Variants in ACBD6 observed in about 807,000 individuals in gnomAD.
ACBD6 encodes acyl-CoA-binding domain-containing protein 6.
Under a neutral mutation model 37.2 loss-of-function variants are expected in ACBD6, and 28 were observed. The observed-to-expected ratio is 0.75, with a 90% CI of 0.56 to 1.03. The LOEUF (loss-of-function observed/expected upper bound fraction) is 1.03, where lower values mean the gene tolerates loss of function less well. Among genes scored for constraint, ACBD6 ranks in the 50% least tolerant of loss-of-function variants. ACBD6 has a pLI of 0.00. For synonymous variants in ACBD6, 113 were observed against 126.8 expected, an observed-to-expected ratio of 0.89 and a Z score of 0.73; for missense variants, 340 against 337.4, an observed-to-expected ratio of 1.01 and a Z score of -0.06.
chr1:180,318,649 A>G (rs923121048), intron 6 of ACBD6, among the ~76,000 whole-genome samples: 3 of 152,212 alleles, frequency 2.0e-5, no homozygotes, highest in Non-Finnish European at 2.9e-5. Flanking sequence ...AAATTTAAAA[A>G]GAGCAAACCC....
intron 7 of ACBD6, among the ~76,000 whole-genome samples, chr1:180,294,367 T>C (rs917798226): frequency 1.3e-5 from 2 of 151,808 alleles, no homozygotes; most frequent in Non-Finnish European, 2.9e-5. Context: ...GGTGAAACCC[T>C]GTCTGTACTA....
chr1:180,412,439 A>G (rs1007678087), intron 5 of ACBD6, among the ~76,000 whole-genome samples: 16 of 152,196 alleles, frequency 1.1e-4, no homozygotes, highest in African/African-American at 3.9e-4. Flanking sequence ...CATTTCAGTA[A>G]TCTTTCACAG....
At chr1:180,272,235 C>A (rs957081111) in intron 13 of ACBD6, among the ~76,000 whole-genome samples, 3 of 152,088 alleles carry the variant, frequency 2.0e-5, no homozygotes, top group African/African-American at 7.2e-5. Context: ...ATGGGCCAGG[C>A]CCCGTCCTGT....
In ACBD6 at chr1:180,324,041, G is replaced by A. The variant is rs1475183379; in HGVS notation, c.664-9319C>T. Among the ~76,000 whole-genome samples, 2 of 8,866 alleles carry A rather than the reference G, an allele frequency of 2.3e-4. 1 individual carries two copies. Among genetic ancestry groups the A allele is most frequent in the Non-Finnish European group, 3.4e-4 (2 of 5,842 alleles). 5.8% of individuals were successfully genotyped at this position (8,866 alleles called of 152,430 possible). ...ACTACAGGCGCCCGCCACCGCGCCCGGCTAATTTTTTGTATTTTTAGTAGA... is the reference window on the plus strand; with the variant it reads ...ACTACAGGCGCCCGCCACCGCGCCCAGCTAATTTTTTGTATTTTTAGTAGA... On this transcript the variant is annotated intron_variant, in intron 6 of 7. Coordinates refer to ENST00000367595, the MANE Select transcript of ACBD6 (RefSeq NM_032360.4).
At chr1:180,440,349 T>C (rs1649230861) in intron 3 of ACBD6, among the ~76,000 whole-genome samples, 1 of 152,188 alleles carries the variant, frequency 6.6e-6, no homozygotes, top group African/African-American at 2.4e-5. Context: ...CCTCAAGTGA[T>C]CTGCCCATCT....
chr1:180,308,803 G>C (rs1224926454), intron 7 of ACBD6, among the ~76,000 whole-genome samples: 1 of 152,156 alleles, frequency 6.6e-6, no homozygotes, highest in Non-Finnish European at 1.5e-5. Context: ...TACCGCTATA[G>C]ATACTGGGTT....
chr1:180,356,163 G>A lies in ACBD6; in HGVS notation c.663+41353C>T, dbSNP rs565626630. Among the ~76,000 whole-genome samples the A allele has an allele frequency of 1.4e-4, 21 of 150,782 alleles. No individual in the cohort carries two copies. In the South Asian group the frequency reaches 2.7e-3, roughly 20 times the overall value. ...GCTGGGATTACAGGCGTGAGCCACC[G>A]TGCCTGGCCTATTGTTACAATTTTT... On this transcript the variant is annotated intron_variant, in intron 6 of 7. Transcript: ENST00000367595.
chr1:180,494,365 C>T (rs555981217), intron 2 of ACBD6, among the ~76,000 whole-genome samples: 12 of 152,208 alleles, frequency 7.9e-5, no homozygotes, highest in African/African-American at 2.9e-4. Context: ...AACTCACTGT[C>T]AACGTTAACA....
At chr1:180,344,588 T>G (rs1652102824) in intron 6 of ACBD6, among the ~76,000 whole-genome samples, 1 of 152,198 alleles carries the variant, frequency 6.6e-6, no homozygotes, top group Non-Finnish European at 1.5e-5. Context: ...TTCACTGCAG[T>G]AAAGAAAAAG....
chr1:180,371,569 G>A (rs1365166990), intron 6 of ACBD6, among the ~76,000 whole-genome samples: 1 of 152,086 alleles, frequency 6.6e-6, no homozygotes, highest in Non-Finnish European at 1.5e-5. Context: ...AAGATCTATA[G>A]TCGACTCTTG....
At chr1:180,342,085 G>A (rs1652005445) in intron 6 of ACBD6, among the ~76,000 whole-genome samples, 1 of 152,092 alleles carries the variant, frequency 6.6e-6, no homozygotes, top group Admixed American at 6.6e-5. Context: ...ACTGTTTAAT[G>A]TGAAATGTTG....
intron 7 of ACBD6, among the ~76,000 whole-genome samples, chr1:180,309,094 C>T (rs71630260): frequency 6.6e-6 from 1 of 152,138 alleles, no homozygotes; most frequent in Non-Finnish European, 1.5e-5. Flanking sequence ...CTCCTCTTCC[C>T]TAAGGCAATT....
intron 6 of ACBD6, 21 bp from the exon 7 acceptor site, chr1:180,314,743 A>G: frequency 6.6e-7 from 1 of 1,515,404 alleles, no homozygotes; most frequent in Non-Finnish European, 9.1e-7. Context: ...AACAAATAAT[A>G]CATTTTAGAA....
rs1273406216 is a variant in ACBD6, at chr1:180,328,489, T to C, written c.664-13767A>G. 2.6e-5 allele frequency among the ~76,000 whole-genome samples: 4 copies of C among 152,054 alleles called. No homozygotes were observed. In the East Asian group the frequency reaches 7.7e-4, roughly 29 times the overall value. ...ACACTTGATCTACCATCTCTACTAA[T>C]GTCAGCTCTAAAGATACAAGAGTAA... On this transcript the variant is annotated intron_variant, in intron 6 of 7. Coordinates refer to ENST00000367595, the MANE Select transcript of ACBD6 (RefSeq NM_032360.4).
chr1:180,344,833 T>C (rs1652114064), intron 6 of ACBD6, among the ~76,000 whole-genome samples: 1 of 152,150 alleles, frequency 6.6e-6, no homozygotes, highest in Admixed American at 6.5e-5. Flanking sequence ...ACACAGATAA[T>C]ACAAATAAAA....
At chr1:180,379,072 C>T (rs541929936) in intron 6 of ACBD6, among the ~76,000 whole-genome samples, 1 of 152,184 alleles carries the variant, frequency 6.6e-6, no homozygotes, top group South Asian at 2.1e-4. Context: ...AAAGACTGGC[C>T]CACTTGGCAT....
chr1:180,409,345 C>A (rs1399235323), intron 5 of ACBD6, among the ~76,000 whole-genome samples: 1 of 152,044 alleles, frequency 6.6e-6, no homozygotes, highest in Non-Finnish European at 1.5e-5. Flanking sequence ...AGCAATCATG[C>A]CAAATTTATT....
At chr1:180,371,838 C>T (rs1338364744) in intron 6 of ACBD6, among the ~76,000 whole-genome samples, 1 of 152,072 alleles carries the variant, frequency 6.6e-6, no homozygotes, top group Non-Finnish European at 1.5e-5. Context: ...AAAAAAGTCA[C>T]ATAAGAAGTT....
intron 3 of ACBD6, among the ~76,000 whole-genome samples, chr1:180,457,793 G>GCTTTTTTT (rs372918235): frequency 7.3e-6 from 1 of 136,614 alleles, no homozygotes. Flanking sequence ...AAAATTAACT[G>GCTTTTTTT]TTTTTTTTTT....
Sources: gnomAD v4.1 joint callset for allele counts (sites outside exome capture counted in the v4.1 genomes callset) on GRCh38, gnomAD v4.1.1 for gene constraint, MANE v1.5 for transcripts, NCBI Gene and HGNC (gene_info 2026-07-23, HGNC 2026-07-21) for gene names.